The following OLFML2A variants were observed in gnomAD, a reference collection of about 807,000 sequenced individuals.
The protein encoded by OLFML2A is olfactomedin like 2A.
A neutral mutation model predicts 60.9 loss-of-function variants in OLFML2A; 47 were observed. The observed-to-expected ratio is 0.77, with a 90% CI of 0.61 to 0.98. The LOEUF is 0.98. OLFML2A is among the 50% of genes least tolerant of loss of function. The pLI is 0.00. For missense variants in OLFML2A, 922 were observed against 879.8 expected (o/e 1.05, Z -0.61); for synonymous variants, 372 against 375.0 (o/e 0.99, Z 0.09).
intron 1 of OLFML2A, among the ~76,000 whole-genome samples, chr9:124,781,520 G>A (rs957412232): frequency 1.3e-5 from 2 of 152,174 alleles, no homozygotes; most frequent in East Asian, 1.9e-4. Context: ...TTGGGCGGGC[G>A]TGGTGGCTCA....
intron 2 of OLFML2A, among the ~76,000 whole-genome samples, chr9:124,793,531 A>G (rs1437518079): frequency 6.6e-6 from 1 of 152,226 alleles, no homozygotes; most frequent in Non-Finnish European, 1.5e-5. Context: ...ATGTTGGGAA[A>G]GAGACGTGGA....
At chr9:124,806,547 A>G (rs1301969357) in intron 6 of OLFML2A, among the ~76,000 whole-genome samples, 1 of 152,084 alleles carries the variant, frequency 6.6e-6, no homozygotes, top group Non-Finnish European at 1.5e-5. Flanking sequence ...AGTAACCACT[A>G]TTCTACTCTC....
intron 7 of OLFML2A, 142 bp downstream of exon 7, chr9:124,808,108 G>C: frequency 1.5e-6 from 1 of 662,614 alleles, no homozygotes; most frequent in Non-Finnish European, 2.6e-6. Context: ...CCCCAAGGAG[G>C]GGGTTCTGGG....
chr9:124,797,089 C>G (rs1337910557), intron 3 of OLFML2A, among the ~76,000 whole-genome samples: 1 of 152,154 alleles, frequency 6.6e-6, no homozygotes, highest in Non-Finnish European at 1.5e-5. Flanking sequence ...AACTGATCCT[C>G]CCACCACAGC....
chr9:124,801,545 C>T lies in OLFML2A; in HGVS notation c.801C>T (p.Gly267=), dbSNP rs1264376559. 1.2e-6 allele frequency: 2 copies of T among 1,613,980 alleles called. No individual in the cohort carries two copies. Among genetic ancestry groups the T allele is most frequent in the African/African-American group, 2.7e-5 (2 of 74,922 alleles). ...TGGAGAAGCTGAGAAAGGAGAGCGG[C>T]AAGGGCAGTTTCCTCCAGCCCACAG... is the stretch of plus-strand genomic sequence containing the variant. ...LQVEKLRKES[G]KGSFLQPTAK... is the part of the protein sequence containing the mutation. The change falls in exon 5 of 8, where the codon GGC becomes GGT. Residue 267 remains glycine (G), a synonymous_variant. Coordinates refer to ENST00000373580, the MANE Select transcript of OLFML2A (RefSeq NM_182487.4).
intron 7 of OLFML2A, among the ~76,000 whole-genome samples, chr9:124,808,589 G>A (rs933156770): frequency 2.6e-5 from 4 of 152,178 alleles, no homozygotes; most frequent in African/African-American, 9.6e-5. Flanking sequence ...GAGCACTGAA[G>A]GGGCTATGGG....
At chr9:124,802,027 C>T (rs1305795771) in intron 5 of OLFML2A, among the ~76,000 whole-genome samples, 1 of 152,128 alleles carries the variant, frequency 6.6e-6, no homozygotes, top group Admixed American at 6.6e-5. Context: ...AGAAAAAATA[C>T]CTATGACCAG....
In OLFML2A at chr9:124,797,690, G is replaced by C. The variant is rs184712798; in HGVS notation, c.463-1595G>C. ...CTTTAGCTGAAAAGTATACTCAGAC[G>C]AAAGAATCCCAGATCTACTAGAGCT... On this transcript the variant is annotated intron_variant, in intron 3 of 7. Transcript: ENST00000373580. 2.0e-5 allele frequency among the ~76,000 whole-genome samples: 3 copies of C among 152,298 alleles called. No homozygotes were observed. In the East Asian group the frequency reaches 5.8e-4, roughly 29 times the overall value.
chr9:124,799,255 G>A, intron 3 of OLFML2A, 30 bp from the exon 4 acceptor site: 1 of 1,510,436 alleles, frequency 6.6e-7, no homozygotes, highest in Non-Finnish European at 9.2e-7. Context: ...GCTGGCCCAG[G>A]AAAGACCTCC....
intron 7 of OLFML2A, 66 bp from the exon 8 acceptor site, chr9:124,809,742 C>T: frequency 5.9e-6 from 9 of 1,538,258 alleles, no homozygotes; most frequent in East Asian, 2.3e-5. Flanking sequence ...CCTTGGTGGG[C>T]TCAGGGGATG....
intron 6 of OLFML2A, 128 bp downstream of exon 6, chr9:124,804,470 C>T (rs1841850520): frequency 1.1e-6 from 1 of 928,350 alleles, no homozygotes; most frequent in Non-Finnish European, 1.6e-6. Flanking sequence ...ACACCTGTAA[C>T]ACCAGCACTT....
intron 2 of OLFML2A, among the ~76,000 whole-genome samples, chr9:124,789,209 C>T (rs1374121087): frequency 6.6e-6 from 1 of 152,212 alleles, no homozygotes; most frequent in Non-Finnish European, 1.5e-5. Context: ...GGATTACAGG[C>T]GTGAGTCACT....
At position 124,810,760 on chromosome 9, in the gene OLFML2A, A is replaced by G; in HGVS notation, c.*348A>G. The G allele has an allele frequency of 3.7e-6, 1 of 271,946 alleles. No homozygotes were observed. Among genetic ancestry groups the G allele is most frequent in the Non-Finnish European group, 7.0e-6 (1 of 143,870 alleles). 16.8% of individuals were successfully genotyped at this position (271,946 alleles called of 1,614,324 possible). A position where few individuals can be genotyped will look rare whatever the true frequency, so the allele number is the denominator to read the frequency against. On this transcript the variant is annotated 3_prime_UTR_variant, in exon 8 of 8. Coordinates refer to ENST00000373580, the MANE Select transcript of OLFML2A (RefSeq NM_182487.4). Reference sequence around the variant, plus strand: ...TTGTGATCAGGCAGGCTGTGCTCTCAGGACAGCCCCATTTTAGGGATGAGG... The same window carrying G: ...TTGTGATCAGGCAGGCTGTGCTCTCGGGACAGCCCCATTTTAGGGATGAGG...
At chr9:124,797,165 G>T (rs1841684055) in intron 3 of OLFML2A, among the ~76,000 whole-genome samples, 1 of 152,150 alleles carries the variant, frequency 6.6e-6, no homozygotes, top group Admixed American at 6.5e-5. Flanking sequence ...GTTTTTTGTA[G>T]AGATGGGGCT....
intron 1 of OLFML2A, among the ~76,000 whole-genome samples, chr9:124,783,491 A>C (rs1588877777): frequency 6.6e-6 from 1 of 152,120 alleles, no homozygotes; most frequent in East Asian, 1.9e-4. Context: ...AATAAGAAGA[A>C]TACTTCACAC....
intron 6 of OLFML2A, among the ~76,000 whole-genome samples, chr9:124,804,802 G>A (rs1038913994): frequency 2.6e-5 from 4 of 151,642 alleles, no homozygotes; most frequent in Non-Finnish European, 5.9e-5. Context: ...TCCATCCCCC[G>A]GGTTCAAACA....
intron 4 of OLFML2A, among the ~76,000 whole-genome samples, chr9:124,800,554 G>T (rs1292662713): frequency 2.6e-5 from 4 of 152,314 alleles, no homozygotes; most frequent in Admixed American, 6.5e-5. Context: ...TCCACATCTC[G>T]GTCTCCTTTG....
chr9:124,799,123 T>G (rs559253288), intron 3 of OLFML2A, among the ~76,000 whole-genome samples, 162 bp from the exon 4 acceptor site: 1 of 152,342 alleles, frequency 6.6e-6, no homozygotes, highest in Non-Finnish European at 1.5e-5. Flanking sequence ...ACACAGGGTC[T>G]CTTGGAGCCT....
At chr9:124,804,598 C>A (rs1257168379) in intron 6 of OLFML2A, among the ~76,000 whole-genome samples, 1 of 150,964 alleles carries the variant, frequency 6.6e-6, no homozygotes, top group African/African-American at 2.4e-5. Context: ...GTGGCGGGTG[C>A]CTGCAATCCC....
Sources: allele counts gnomAD v4.1 joint callset (sites outside exome capture counted in the v4.1 genomes callset), GRCh38; gene constraint gnomAD v4.1.1; transcripts MANE v1.5; gene names NCBI Gene and HGNC (gene_info 2026-07-23, HGNC 2026-07-21).